Variants in ANKS1B observed in about 807,000 individuals in gnomAD.
ANKS1B encodes ankyrin repeat and sterile alpha motif domain containing 1B, also known as ankyrin repeat and sterile alpha motif domain-containing protein 1B.
In ANKS1B, 36 loss-of-function variants were observed where a neutral mutation model predicts 148.3. The observed-to-expected ratio is 0.24, with a 90% CI of 0.19 to 0.32. The LOEUF (loss-of-function observed/expected upper bound fraction) is 0.32. Among genes scored for constraint, ANKS1B ranks in the 10% least tolerant of loss-of-function variants. The pLI is 1.00. For missense variants in ANKS1B, 1,157 were observed against 1,542.6 expected (o/e 0.75, Z 4.19); for synonymous variants, 542 against 560.8 (o/e 0.97, Z 0.47).
chr12:99,477,458 G>A (rs911186567), intron 10 of ANKS1B, among the ~76,000 whole-genome samples: 1 of 151,910 alleles, frequency 6.6e-6, no homozygotes, highest in Non-Finnish European at 1.5e-5. Context: ...AAACCAGCTT[G>A]GTTTGTCAGC....
chr12:99,233,095 T>C (rs187496606), intron 14 of ANKS1B, among the ~76,000 whole-genome samples: 14 of 152,216 alleles, frequency 9.2e-5, no homozygotes, highest in Admixed American at 3.3e-4. Context: ...ATTACATTCA[T>C]GCTTTGTATA....
rs530500259 is a variant in ANKS1B at position 98,922,133 on chromosome 12, C to A, written c.2779-89997G>T. On this transcript the variant is annotated intron_variant, in intron 17 of 26. Coordinates refer to ENST00000683438, the MANE Select transcript of ANKS1B (RefSeq NM_001352186.2). ...CTCAAGTGGCATTTCTGTTTGAGAA[C>A]TGTATTTTTCATTATTTAGAGTTTT... 1.4e-3 allele frequency among the ~76,000 whole-genome samples: 209 copies of A among 152,294 alleles called. 2 individuals carry two copies. The highest frequency in any genetic ancestry group is 4.9e-3 in the African/African-American group (203 of 41,558).
chr12:99,079,116 A>T (rs1045441491), intron 16 of ANKS1B, among the ~76,000 whole-genome samples: 1 of 152,174 alleles, frequency 6.6e-6, no homozygotes, highest in Admixed American at 6.6e-5. Flanking sequence ...GATCCTCTTG[A>T]CTTGAGTCTT....
intron 12 of ANKS1B, among the ~76,000 whole-genome samples, chr12:99,376,686 A>G (rs1204588509): frequency 1.3e-5 from 2 of 152,226 alleles, no homozygotes; most frequent in Admixed American, 6.5e-5. Flanking sequence ...CCTTGCCATG[A>G]TTAAAACTGC....
chr12:99,554,360 A>T (rs901321336), intron 9 of ANKS1B, among the ~76,000 whole-genome samples: 1 of 152,200 alleles, frequency 6.6e-6, no homozygotes, highest in Non-Finnish European at 1.5e-5. Flanking sequence ...TTAAACCATG[A>T]AATGCTGAAA....
intron 14 of ANKS1B, among the ~76,000 whole-genome samples, chr12:99,223,146 A>T (rs2085374324): frequency 6.6e-6 from 1 of 152,254 alleles, no homozygotes. Flanking sequence ...ATTACTAAAT[A>T]GTGGACATTA....
chr12:99,104,070 G>A (rs1030549701), intron 15 of ANKS1B, among the ~76,000 whole-genome samples: 15 of 152,176 alleles, frequency 9.9e-5, no homozygotes, highest in African/African-American at 3.6e-4. Context: ...GCAGAACTTA[G>A]GGCAGAGGAT....
intron 9 of ANKS1B, among the ~76,000 whole-genome samples, chr12:99,618,570 T>A (rs1449520197): frequency 1.3e-5 from 2 of 151,886 alleles, no homozygotes; most frequent in Admixed American, 6.6e-5. Flanking sequence ...CTGACAAAAA[T>A]GAGTGAAGCC....
chr12:99,293,465 G>A (rs771714163), intron 12 of ANKS1B, among the ~76,000 whole-genome samples: 3 of 152,020 alleles, frequency 2.0e-5, no homozygotes, highest in Admixed American at 6.6e-5. Context: ...AAACCTGCTC[G>A]TTGTGCACAT....
intron 9 of ANKS1B, among the ~76,000 whole-genome samples, chr12:99,651,297 T>C (rs968939812): frequency 2.6e-5 from 4 of 152,212 alleles, no homozygotes; most frequent in African/African-American, 9.6e-5. Flanking sequence ...CAAGGTTACA[T>C]TACTGAGAAA....
chr12:99,742,167 C>A (rs1221624826), intron 8 of ANKS1B, among the ~76,000 whole-genome samples: 1 of 150,826 alleles, frequency 6.6e-6, no homozygotes, highest in Non-Finnish European at 1.5e-5. Flanking sequence ...AAGCTTAATA[C>A]CTCGGTGATA....
At chr12:99,243,848 A>G (rs887509801) in intron 14 of ANKS1B, among the ~76,000 whole-genome samples, 8 of 152,152 alleles carry the variant, frequency 5.3e-5, no homozygotes, top group Admixed American at 3.9e-4. Flanking sequence ...GGTGGGGAAC[A>G]TCACATGCAA....
At chr12:98,945,355 C>A (rs906200823) in intron 17 of ANKS1B, among the ~76,000 whole-genome samples, 1 of 151,614 alleles carries the variant, frequency 6.6e-6, no homozygotes, top group Non-Finnish European at 1.5e-5. Flanking sequence ...ATTAGGCGGG[C>A]GTAGTGGTGT....
intron 14 of ANKS1B, among the ~76,000 whole-genome samples, chr12:99,213,302 T>C (rs1251163647): frequency 6.6e-6 from 1 of 152,180 alleles, no homozygotes; most frequent in Non-Finnish European, 1.5e-5. Context: ...GCAGCTTGTT[T>C]TTACCACTTT....
At chr12:98,925,493 T>C (rs921476432) in intron 17 of ANKS1B, among the ~76,000 whole-genome samples, 8 of 152,186 alleles carry the variant, frequency 5.3e-5, no homozygotes, top group African/African-American at 1.9e-4. Context: ...ACTGGCAAAA[T>C]TTGTCAAAAT....
At chr12:99,569,342 T>C (rs1375016298) in intron 9 of ANKS1B, among the ~76,000 whole-genome samples, 2 of 152,184 alleles carry the variant, frequency 1.3e-5, no homozygotes, top group Non-Finnish European at 2.9e-5. Flanking sequence ...TTGGTTGGAA[T>C]CTCAATTCTT....
At chr12:99,373,972 A>C (rs1012361551) in intron 12 of ANKS1B, among the ~76,000 whole-genome samples, 8 of 151,924 alleles carry the variant, frequency 5.3e-5, no homozygotes, top group Non-Finnish European at 1.2e-4. Context: ...GTCATGTAAC[A>C]AAAAAAACAC....
chr12:99,624,007 G>A (rs550255246), intron 9 of ANKS1B, among the ~76,000 whole-genome samples: 129 of 151,972 alleles, frequency 8.5e-4, no homozygotes, highest in Non-Finnish European at 1.5e-3. Flanking sequence ...GTTGAACTAT[G>A]CTATAAGGCT....
At chr12:99,341,346 C>A (rs2089887746) in intron 12 of ANKS1B, 1 of 152,084 alleles carries the variant, frequency 6.6e-6, no homozygotes, top group South Asian at 2.1e-4. Flanking sequence ...CAACCAGAAA[C>A]AAGGCATCCA....
Sources: gnomAD v4.1 joint callset for allele counts (sites outside exome capture counted in the v4.1 genomes callset) on GRCh38, gnomAD v4.1.1 for gene constraint, MANE v1.5 for transcripts, NCBI Gene and HGNC (gene_info 2026-07-23, HGNC 2026-07-21) for gene names.